Variants in LRBA observed in about 807,000 individuals in gnomAD.
LRBA encodes lipopolysaccharide-responsive and beige-like anchor protein.
Under a neutral mutation model 330.0 loss-of-function variants are expected in LRBA, and 176 were observed. That is an observed-to-expected ratio of 0.53 (90% CI 0.47 to 0.60). LRBA has a LOEUF of 0.60. Ranked by LOEUF, LRBA falls within the 20% of genes least tolerant of loss-of-function variation. LRBA has a pLI of 0.00. For synonymous variants in LRBA, 1,230 were observed against 1,193.0 expected, an observed-to-expected ratio of 1.03 and a Z score of -0.64; for missense variants, 3,259 against 3,444.8, an observed-to-expected ratio of 0.95 and a Z score of 1.35.
At position 150,465,572 on chromosome 4, in the gene LRBA, T is replaced by C. The variant is rs1331792887; in HGVS notation, c.6780+2101A>G. Among the ~76,000 whole-genome samples, 4 of 152,154 alleles carry C rather than the reference T, an allele frequency of 2.6e-5. No homozygotes were observed. In the South Asian group the frequency reaches 6.2e-4, roughly 24 times the overall value. On this transcript the variant is annotated intron_variant, in intron 44 of 56. Coordinates refer to ENST00000651943, the MANE Select transcript of LRBA (RefSeq NM_001364905.1). ...AATCTTCCTAATGGTTGTGAAGTGG[T>C]ATCTTATTGTGATTTTGATTTACAT...
chr4:150,575,244 C>T (rs1770396370), intron 40 of LRBA, among the ~76,000 whole-genome samples: 1 of 151,878 alleles, frequency 6.6e-6, no homozygotes, highest in Admixed American at 6.6e-5. Context: ...AGATGTCTTC[C>T]ATACATAGAT....
chr4:150,787,737 G>A (rs953151287), intron 34 of LRBA, among the ~76,000 whole-genome samples: 1 of 152,162 alleles, frequency 6.6e-6, no homozygotes, highest in South Asian at 2.1e-4. Context: ...TCACACTCTT[G>A]TGCTATCAAA....
intron 53 of LRBA, among the ~76,000 whole-genome samples, chr4:150,296,966 G>A (rs546019634): frequency 1.4e-5 from 2 of 138,652 alleles, no homozygotes; most frequent in Admixed American, 1.6e-4. Context: ...AGAATCCTAC[G>A]TTTAGTTGAC....
intron 52 of LRBA, 75 bp downstream of exon 52, chr4:150,310,154 A>T (rs957266193): frequency 2.0e-6 from 2 of 984,576 alleles, no homozygotes; most frequent in East Asian, 4.8e-5. Flanking sequence ...AAGGAAGCAG[A>T]TAAGAATGCA....
intron 40 of LRBA, among the ~76,000 whole-genome samples, chr4:150,492,698 C>T (rs116308280): frequency 4.1e-4 from 63 of 152,228 alleles, no homozygotes; most frequent in African/African-American, 1.5e-3. Flanking sequence ...GTATAATAAA[C>T]TCTTAAGCTC....
chr4:150,836,413 T>A (rs891201651), intron 28 of LRBA, among the ~76,000 whole-genome samples: 1 of 152,250 alleles, frequency 6.6e-6, no homozygotes, highest in Non-Finnish European at 1.5e-5. Flanking sequence ...GGAATTCAGC[T>A]GTGAATCCAT....
chr4:150,282,762 C>A, intron 54 of LRBA, 116 bp from the exon 55 acceptor site: 1 of 690,090 alleles, frequency 1.4e-6, no homozygotes, highest in Non-Finnish European at 2.3e-6. Flanking sequence ...TGTAGAAAGC[C>A]TTTAAAAAAC....
chr4:150,993,716 C>T (rs1433666383), intron 2 of LRBA, among the ~76,000 whole-genome samples: 1 of 152,074 alleles, frequency 6.6e-6, no homozygotes, highest in Non-Finnish European at 1.5e-5. Flanking sequence ...AGCAGAAACC[C>T]CTGATAAAAC....
intron 43 of LRBA, among the ~76,000 whole-genome samples, chr4:150,471,180 A>G (rs534545618): frequency 1.3e-5 from 2 of 152,166 alleles, no homozygotes; most frequent in African/African-American, 4.8e-5. Flanking sequence ...CTCTCTAGGT[A>G]TACTTTATAT....
chr4:150,958,647 TA>T (rs1171537212), intron 2 of LRBA, among the ~76,000 whole-genome samples: 1 of 149,378 alleles, frequency 6.7e-6, no homozygotes, highest in African/African-American at 2.6e-5. Flanking sequence ...TCCAAACTTT[TA>T]CACTTTGCTT....
chr4:150,546,544 C>G (rs1765878250), intron 40 of LRBA, among the ~76,000 whole-genome samples: 1 of 152,096 alleles, frequency 6.6e-6, no homozygotes, highest in Non-Finnish European at 1.5e-5. Context: ...TGCAGCTTAC[C>G]CTTTAGGCCT....
At position 150,805,446 on chromosome 4, in the gene LRBA, GGGAAAGGAAAGGAAAGGAAA is replaced by G. The variant is rs75535803; in HGVS notation, c.5518+805_5518+824del. Reference sequence around the variant, plus strand: ...AGGAAAGGAAAGGAAAGGAAGGAAAGGGAAAGGAAAGGAAAGGAAAGGAAAGGAAAGGAAAGGAAAGGAAA... The same window carrying G: ...AGGAAAGGAAAGGAAAGGAAGGAAAGGGAAAGGAAAGGAAAGGAAAGGAAA... On this transcript the variant is annotated intron_variant, in intron 33 of 56. Coordinates refer to ENST00000651943, the MANE Select transcript of LRBA (RefSeq NM_001364905.1). Among the ~76,000 whole-genome samples the G allele has an allele frequency of 2.3e-3, 90 of 39,740 alleles. 1 individual carries two copies. The highest frequency in any genetic ancestry group is 7.7e-3 in the African/African-American group (87 of 11,372). The allele number at this position is 39,740 out of a possible 152,430, so 26.1% of individuals were successfully genotyped here. A position where few individuals can be genotyped will look rare whatever the true frequency, so the allele number is the denominator to read the frequency against.
chr4:150,709,541 T>C (rs1049039902), intron 36 of LRBA, among the ~76,000 whole-genome samples: 5 of 151,932 alleles, frequency 3.3e-5, no homozygotes, highest in Admixed American at 6.6e-5. Flanking sequence ...GAACCATCCT[T>C]ACTACTTTTA....
chr4:150,913,011 T>G (rs575238763), intron 9 of LRBA, among the ~76,000 whole-genome samples: 1 of 152,230 alleles, frequency 6.6e-6, no homozygotes, highest in East Asian at 1.9e-4. Context: ...ATTTTCTACA[T>G]TAAAAACTTG....
intron 18 of LRBA, 117 bp downstream of exon 18, chr4:150,872,546 T>C: frequency 1.6e-6 from 1 of 629,434 alleles, no homozygotes; most frequent in Non-Finnish European, 2.7e-6. Flanking sequence ...TATACAGCAA[T>C]TTATGAATAA....
rs143491043 is a variant in LRBA at position 150,351,050 on chromosome 4, C to T, written c.7195-891G>A. ...ATCAAACCTGACCAAATATTTGATG[C>T]TATTAACATAATAGTGTCCAATAAA... On this transcript the variant is annotated intron_variant, in intron 47 of 56. Coordinates refer to ENST00000651943, the MANE Select transcript of LRBA (RefSeq NM_001364905.1). Among the ~76,000 whole-genome samples the T allele has an allele frequency of 1.6e-3, 239 of 152,170 alleles. 6 individuals are homozygous for T. In the East Asian group the frequency reaches 0.027, roughly 17 times the overall value.
chr4:150,783,344 T>C (rs1467220638), intron 34 of LRBA, among the ~76,000 whole-genome samples: 1 of 152,166 alleles, frequency 6.6e-6, no homozygotes, highest in Non-Finnish European at 1.5e-5. Flanking sequence ...ACCGTTCCAA[T>C]GGATAGAAAT....
At chr4:150,817,644 T>TA (rs544033471) in intron 30 of LRBA, among the ~76,000 whole-genome samples, 66 of 144,590 alleles carry the variant, frequency 4.6e-4, no homozygotes, top group East Asian at 7.9e-4. Context: ...CTTATAAGCT[T>TA]AAAAAAAAAA....
At chr4:150,787,657 G>C (rs182357095) in intron 34 of LRBA, among the ~76,000 whole-genome samples, 84 of 152,226 alleles carry the variant, frequency 5.5e-4, no homozygotes, top group African/African-American at 1.8e-3. Flanking sequence ...TATCCTTTGT[G>C]TTACAAACAA....
Sources: gnomAD v4.1 joint callset for allele counts (sites outside exome capture counted in the v4.1 genomes callset) on GRCh38, gnomAD v4.1.1 for gene constraint, MANE v1.5 for transcripts, NCBI Gene and HGNC (gene_info 2026-07-23, HGNC 2026-07-21) for gene names.